The following NCALD variants were observed in gnomAD, a reference collection of about 807,000 sequenced individuals.
The protein encoded by NCALD is neurocalcin delta, also known as neurocalcin-delta.
NCALD carries 10 observed loss-of-function variants against 18.6 expected under a neutral mutation model. The observed-to-expected ratio is 0.54, with a 90% CI of 0.33 to 0.91. The LOEUF (loss-of-function observed/expected upper bound fraction) is 0.91. NCALD is among the 40% of genes least tolerant of loss of function. NCALD has a pLI of 0.03. For missense variants in NCALD, 184 were observed against 247.6 expected (o/e 0.74, Z 1.72); for synonymous variants, 88 against 87.4 (o/e 1.01, Z -0.04).
At chr8:101,966,514 G>A (rs1411040044) in intron 2 of NCALD, among the ~76,000 whole-genome samples, 3 of 151,298 alleles carry the variant, frequency 2.0e-5, no homozygotes, top group African/African-American at 7.3e-5. Flanking sequence ...GATAGCATTA[G>A]GAGATATACC....
chr8:101,713,836 G>T (rs146328585), intron 2 of NCALD, among the ~76,000 whole-genome samples: 2 of 152,048 alleles, frequency 1.3e-5, no homozygotes, highest in African/African-American at 2.4e-5. Flanking sequence ...ATTCACAGCC[G>T]AATTCTACCA....
chr8:102,030,785 A>C lies in NCALD; in HGVS notation c.-209-10496T>G, dbSNP rs191846659. Among the ~76,000 whole-genome samples the C allele has an allele frequency of 5.4e-3, 822 of 152,286 alleles. 11 individuals are homozygous for C. Among genetic ancestry groups the C allele is most frequent in the African/African-American group, 0.018 (763 of 41,554 alleles). On this transcript the variant is annotated intron_variant, in intron 1 of 6. Transcript: ENST00000311028. The stretch of plus-strand genomic sequence containing the variant: ...CAGCTACTTGGGAGGCTGAGGCATG[A>C]GAATCACTTGAACCCACGAGGTGGA...
At chr8:101,772,307 C>T (rs565573558) in intron 1 of NCALD, among the ~76,000 whole-genome samples, 2 of 152,296 alleles carry the variant, frequency 1.3e-5, no homozygotes, top group Admixed American at 6.5e-5. Context: ...CCTGGAACAA[C>T]CCTAGAACCA....
intron 1 of NCALD, among the ~76,000 whole-genome samples, chr8:102,042,655 A>G (rs2132182771): frequency 6.6e-6 from 1 of 151,888 alleles, no homozygotes; most frequent in East Asian, 1.9e-4. Flanking sequence ...ACCCCCAACT[A>G]ATGAAAGCTA....
chr8:102,020,169 T>C (rs1007669983), intron 2 of NCALD: 2 of 152,186 alleles, frequency 1.3e-5, no homozygotes, highest in African/African-American at 2.4e-5. Context: ...TAGGCTTATG[T>C]ATGTCTTAGG....
intron 2 of NCALD, among the ~76,000 whole-genome samples, chr8:102,018,454 A>G (rs1271094604): frequency 6.6e-6 from 1 of 152,152 alleles, no homozygotes; most frequent in Non-Finnish European, 1.5e-5. Flanking sequence ...AGCATGGATG[A>G]ATCTCAAAAA....
chr8:102,017,041 AGATT>A (rs928805293), intron 2 of NCALD, among the ~76,000 whole-genome samples: 2 of 152,218 alleles, frequency 1.3e-5, no homozygotes, highest in Non-Finnish European at 2.9e-5. Flanking sequence ...ACTTAAAGAT[AGATT>A]AATAGAAATT....
chr8:101,862,634 C>T (rs910243205), intron 4 of NCALD, among the ~76,000 whole-genome samples: 4 of 152,196 alleles, frequency 2.6e-5, no homozygotes, highest in African/African-American at 7.2e-5. Flanking sequence ...TATCCAAGTA[C>T]AGCTGTGTAC....
chr8:101,849,340 T>C (rs889933186), intron 4 of NCALD, among the ~76,000 whole-genome samples: 12 of 152,150 alleles, frequency 7.9e-5, no homozygotes, highest in African/African-American at 2.7e-4. Flanking sequence ...ATCCTGCACA[T>C]GTACCCCTGA....
intron 1 of NCALD, among the ~76,000 whole-genome samples, chr8:102,099,514 G>T (rs1184783415): frequency 6.6e-6 from 1 of 151,864 alleles, no homozygotes; most frequent in South Asian, 2.1e-4. Context: ...CCCATATCAA[G>T]ATATACAATT....
intron 3 of NCALD, among the ~76,000 whole-genome samples, chr8:101,897,229 A>T (rs1339055277): frequency 6.8e-6 from 1 of 146,944 alleles, no homozygotes; most frequent in Non-Finnish European, 1.5e-5. Context: ...ACATGGATGA[A>T]ATTGGAAATC....
At chr8:102,112,480 A>AT (rs1430520087) in intron 1 of NCALD, among the ~76,000 whole-genome samples, 6 of 151,686 alleles carry the variant, frequency 4.0e-5, no homozygotes, top group African/African-American at 4.9e-5. Context: ...ACAAACTGTG[A>AT]TAAAAAAAAA....
intron 2 of NCALD, among the ~76,000 whole-genome samples, chr8:101,968,534 G>A (rs1196670944): frequency 1.3e-5 from 2 of 152,164 alleles, no homozygotes. Flanking sequence ...GTGCTCTGCT[G>A]TCACACCTGA....
At chr8:101,769,511 C>T (rs1446369205) in intron 1 of NCALD, among the ~76,000 whole-genome samples, 1 of 152,094 alleles carries the variant, frequency 6.6e-6, no homozygotes, top group Non-Finnish European at 1.5e-5. Context: ...ATAACCTAGG[C>T]GTGCCATCCT....
chr8:102,109,676 A>G (rs1221899193), intron 1 of NCALD, among the ~76,000 whole-genome samples: 1 of 152,258 alleles, frequency 6.6e-6, no homozygotes, highest in Non-Finnish European at 1.5e-5. Context: ...TCCACAATAT[A>G]TATTTTAAGC....
chr8:101,703,946 GAA>G (rs1815390723), intron 2 of NCALD, among the ~76,000 whole-genome samples: 1 of 152,132 alleles, frequency 6.6e-6, no homozygotes, highest in African/African-American at 2.4e-5. Flanking sequence ...AGGATTAGAG[GAA>G]AGACTGCCTG....
At chr8:102,020,884 C>G (rs1013825092) in intron 1 of NCALD, among the ~76,000 whole-genome samples, 1 of 152,150 alleles carries the variant, frequency 6.6e-6, no homozygotes, top group Non-Finnish European at 1.5e-5. Context: ...TTCCTCCTCA[C>G]CCCTTGCCAG....
intron 1 of NCALD, among the ~76,000 whole-genome samples, chr8:102,041,152 T>G (rs2132176680): frequency 6.6e-6 from 1 of 152,336 alleles, no homozygotes; most frequent in East Asian, 1.9e-4. Flanking sequence ...CTTTCTTTTA[T>G]TATCTGCACT....
At chr8:101,863,221 T>C (rs974181939) in intron 4 of NCALD, among the ~76,000 whole-genome samples, 12 of 152,192 alleles carry the variant, frequency 7.9e-5, no homozygotes, top group East Asian at 5.8e-4. Flanking sequence ...AGGTGTGGTA[T>C]AGAGGAAGAT....
Sources: allele counts gnomAD v4.1 joint callset (sites outside exome capture counted in the v4.1 genomes callset), GRCh38; gene constraint gnomAD v4.1.1; transcripts MANE v1.5; gene names NCBI Gene and HGNC (gene_info 2026-07-23, HGNC 2026-07-21).